The following CREB3L2 variants were observed in gnomAD, a reference collection of about 807,000 sequenced individuals.
CREB3L2 encodes cyclic AMP-responsive element-binding protein 3-like protein 2.
A neutral mutation model predicts 57.2 loss-of-function variants in CREB3L2; 23 were observed. The ratio of observed to expected loss-of-function variants is 0.40; its 90% confidence interval spans 0.29 to 0.57. The LOEUF (loss-of-function observed/expected upper bound fraction) is 0.57. Ranked by LOEUF, CREB3L2 falls within the 20% of genes least tolerant of loss-of-function variation. The pLI is 0.42. For synonymous variants in CREB3L2, 268 were observed against 265.1 expected (o/e 1.01, Z -0.11); for missense variants, 628 against 634.7 (o/e 0.99, Z 0.11).
intron 1 of CREB3L2, among the ~76,000 whole-genome samples, chr7:137,951,071 C>A (rs1345972741): frequency 6.6e-6 from 1 of 152,212 alleles, no homozygotes; most frequent in Non-Finnish European, 1.5e-5. Flanking sequence ...ACGTGCCCAG[C>A]TAAGGCTGAA....
intron 10 of CREB3L2, among the ~76,000 whole-genome samples, chr7:137,882,918 C>T (rs1799330036): frequency 1.3e-5 from 2 of 151,772 alleles, no homozygotes; most frequent in African/African-American, 2.4e-5. Flanking sequence ...TCCCCCCTTA[C>T]CACCCATAAC....
chr7:137,889,636 C>A (rs948787856), intron 8 of CREB3L2, among the ~76,000 whole-genome samples: 1 of 152,134 alleles, frequency 6.6e-6, no homozygotes, highest in African/African-American at 2.4e-5. Flanking sequence ...AGAAAGTAAA[C>A]GGAACTGATG....
chr7:137,988,610 T>C (rs978892700), intron 1 of CREB3L2, among the ~76,000 whole-genome samples: 2 of 152,182 alleles, frequency 1.3e-5, no homozygotes, highest in East Asian at 1.9e-4. Flanking sequence ...GACTCACACC[T>C]TGGAGTCATG....
At chr7:137,984,770 G>A (rs745734016) in intron 1 of CREB3L2, among the ~76,000 whole-genome samples, 10 of 152,110 alleles carry the variant, frequency 6.6e-5, no homozygotes, top group Non-Finnish European at 1.0e-4. Flanking sequence ...TACCTACCAG[G>A]ATATTTTTCT....
Position 137,912,835 on chromosome 7 carries a change from A to G in CREB3L2, c.583+156T>C, listed in dbSNP as rs1257002913. 4 of 1,525,590 alleles carry G rather than the reference A, an allele frequency of 2.6e-6. No individual in the cohort carries two copies. In the Admixed American group the frequency reaches 6.1e-5, roughly 23 times the overall value. 94.5% of individuals were successfully genotyped at this position (1,525,590 alleles called of 1,614,324 possible). On this transcript the variant is annotated intron_variant, in intron 4 of 11. Coordinates refer to ENST00000330387, the MANE Select transcript of CREB3L2 (RefSeq NM_194071.4). ...GTTAGCTTGCAAAATTTTTATTTGG[A>G]AGCAAAATTTTTATTTTTTAAGAAC...
intron 1 of CREB3L2, among the ~76,000 whole-genome samples, chr7:137,938,264 G>A (rs1800825835): frequency 6.6e-6 from 1 of 152,170 alleles, no homozygotes; most frequent in South Asian, 2.1e-4. Context: ...AATGTGTGGG[G>A]CAGAGGACAT....
At chr7:137,946,816 ATC>A (rs1232453794) in intron 1 of CREB3L2, among the ~76,000 whole-genome samples, 904 of 33,092 alleles carry the variant, frequency 0.027, 193 homozygotes, top group African/African-American at 0.18. Flanking sequence ...ATATATAGTT[ATC>A]TATATAGTTA....
rs1176558185 is a variant in CREB3L2, at chr7:137,915,945, T to A, written c.387A>T (p.Pro129=). 6.2e-7 allele frequency: 1 copy of A among 1,613,964 alleles called. No individual in the cohort carries two copies. The highest frequency in any genetic ancestry group is 8.5e-7 in the Non-Finnish European group (1 of 1,179,948). Residue 129 remains proline, a synonymous_variant, in exon 3 of 12, where the codon CCA becomes CCT. Coordinates refer to ENST00000330387, the MANE Select transcript of CREB3L2 (RefSeq NM_194071.4). The part of the protein sequence containing the change: ...DFPSTSIKTE[P]VTDEPPPGLV... ...GTCCTGGGGGTGGTTCGTCTGTAAC[T>A]GGCTCTGTCTTGATGGATGTTGAAG...
chr7:137,994,565 A>G (rs1801952834), intron 1 of CREB3L2, among the ~76,000 whole-genome samples: 1 of 152,084 alleles, frequency 6.6e-6, no homozygotes, highest in African/African-American at 2.4e-5. Context: ...ACCCCTCCCT[A>G]GCCTTTCCCT....
At chr7:137,898,664 C>T (rs116195921) in intron 8 of CREB3L2, among the ~76,000 whole-genome samples, 3,105 of 152,166 alleles carry the variant, frequency 0.02, 96 homozygotes, top group African/African-American at 0.072. Flanking sequence ...AGAATTCTTA[C>T]CAAAAACCAA....
In CREB3L2 at chr7:137,928,177, T is replaced by C. The variant is rs1254731766; in HGVS notation, c.292A>G (p.Ile98Val). 1.9e-6 allele frequency: 3 copies of C among 1,581,878 alleles called. No homozygotes were observed. The highest frequency in any genetic ancestry group is 2.3e-5 in the South Asian group (2 of 87,728). The change falls in exon 2 of 12, where the codon ATT (isoleucine) becomes GTT (valine). Residue 98 changes from isoleucine (I) to valine (V), a missense_variant. Physicochemically the swap from Ile to Val is conservative, Grantham distance 29. This residue lies in a region of CREB3L2 where 339 missense variants were observed against 355.4 expected (regional missense o/e 0.95). Coordinates refer to ENST00000330387, the MANE Select transcript of CREB3L2 (RefSeq NM_194071.4). ...EPRAQSPFTH[I>V]TTSDSFNDDE... The stretch of plus-strand genomic sequence containing the variant: ...TCATTGAAGCTGTCACTGGTGGTAA[T>C]GTGGGTGAAGGGCGACTGGGCCCGA...
intron 2 of CREB3L2, among the ~76,000 whole-genome samples, chr7:137,924,425 T>C (rs1800405062): frequency 6.6e-6 from 1 of 152,166 alleles, no homozygotes; most frequent in Non-Finnish European, 1.5e-5. Context: ...TAAAGGACAA[T>C]GCAAATGCAT....
intron 8 of CREB3L2, among the ~76,000 whole-genome samples, chr7:137,896,571 G>T (rs1472976063): frequency 6.6e-6 from 1 of 152,148 alleles, no homozygotes; most frequent in African/African-American, 2.4e-5. Context: ...AAAATACTGG[G>T]ATTACAGGTG....
chr7:137,986,997 G>A (rs1157651973), intron 1 of CREB3L2, among the ~76,000 whole-genome samples: 3 of 152,220 alleles, frequency 2.0e-5, no homozygotes, highest in Non-Finnish European at 4.4e-5. Context: ...TGTTCGCCTG[G>A]AGCTGGTTTG....
In CREB3L2 at chr7:137,900,812, G is replaced by GA. The variant is rs540691489; in HGVS notation, c.1043+541dup. 3.4e-3 allele frequency among the ~76,000 whole-genome samples: 497 copies of GA among 146,704 alleles called. 1 individual carries two copies. Among genetic ancestry groups the GA allele is most frequent in the South Asian group, 5.4e-3 (25 of 4,590 alleles). ...GAGCAAGACTCCGTCTCAAAAAAAAGAAAAAAAAAATACCAATGATTTTCT... is the reference window on the plus strand; with the variant it reads ...GAGCAAGACTCCGTCTCAAAAAAAAGAAAAAAAAAAATACCAATGATTTTCT... On this transcript the variant is annotated intron_variant, in intron 8 of 11. Coordinates refer to ENST00000330387, the MANE Select transcript of CREB3L2 (RefSeq NM_194071.4).
intron 1 of CREB3L2, among the ~76,000 whole-genome samples, chr7:137,966,291 T>G (rs1395112532): frequency 6.6e-6 from 1 of 152,244 alleles, no homozygotes; most frequent in African/African-American, 2.4e-5. Flanking sequence ...ATATGTTACT[T>G]GCTTACATAC....
At chr7:137,890,592 A>G (rs1158716289) in intron 8 of CREB3L2, among the ~76,000 whole-genome samples, 1 of 152,232 alleles carries the variant, frequency 6.6e-6, no homozygotes, top group Non-Finnish European at 1.5e-5. Flanking sequence ...AATAATGAGA[A>G]AATGCCCCCT....
At chr7:137,907,152 A>G (rs1799908286) in intron 5 of CREB3L2, among the ~76,000 whole-genome samples, 1 of 152,212 alleles carries the variant, frequency 6.6e-6, no homozygotes, top group African/African-American at 2.4e-5. Flanking sequence ...AGTATTTTGA[A>G]AAGTCACTGA....
chr7:137,884,875 T>A (rs987524838), intron 10 of CREB3L2, 120 bp downstream of exon 10: 7 of 1,416,508 alleles, frequency 4.9e-6, no homozygotes, highest in Non-Finnish European at 7.0e-6. Context: ...AGGGAGAAGC[T>A]CCACTTTTAC....
Sources: gnomAD v4.1 joint callset for allele counts (sites outside exome capture counted in the v4.1 genomes callset) on GRCh38, gnomAD v4.1.1 for gene constraint, gnomAD v4.1.1 regional missense constraint, MANE v1.5 for transcripts, NCBI Gene and HGNC (gene_info 2026-07-23, HGNC 2026-07-21) for gene names.